UHMK1: variants seen among roughly 807,000 people sequenced by gnomAD.
UHMK1 encodes the protein serine/threonine-protein kinase Kist.
UHMK1 carries 18 observed loss-of-function variants against 44.0 expected under a neutral mutation model. The ratio of observed to expected loss-of-function variants is 0.41; its 90% CI spans 0.28 to 0.61. UHMK1 has a LOEUF of 0.61. Among genes scored for constraint, UHMK1 ranks in the 20% least tolerant of loss-of-function variants. UHMK1 has a pLI of 0.31. For synonymous variants in UHMK1, 231 were observed against 198.5 expected (o/e 1.16, Z -1.38); for missense variants, 463 against 522.5 (o/e 0.89, Z 1.11).
chr1:162,518,894 C>G (rs565105420), intron 7 of UHMK1, among the ~76,000 whole-genome samples: 3 of 151,168 alleles, frequency 2.0e-5, no homozygotes, highest in Admixed American at 2.0e-4. Flanking sequence ...GGGGCTGAGG[C>G]AGGAGAATCG....
At chr1:162,512,237 TAC>T (rs1358014969) in intron 4 of UHMK1, among the ~76,000 whole-genome samples, 2 of 151,940 alleles carry the variant, frequency 1.3e-5, no homozygotes, top group Non-Finnish European at 1.5e-5. Flanking sequence ...CACTCACTGT[TAC>T]AGAGTGTGGA....
At chr1:162,514,585 T>C (rs1417532369) in intron 6 of UHMK1, among the ~76,000 whole-genome samples, 1 of 152,168 alleles carries the variant, frequency 6.6e-6, no homozygotes, top group Non-Finnish European at 1.5e-5. Context: ...CAGTAGGCAC[T>C]CAAATATTTA....
At chr1:162,499,527 C>G (rs909998622) in intron 1 of UHMK1, among the ~76,000 whole-genome samples, 16 of 152,110 alleles carry the variant, frequency 1.1e-4, no homozygotes, top group African/African-American at 3.9e-4. Context: ...TTGTGACATT[C>G]CTTTTAAAAG....
intron 3 of UHMK1, 111 bp from the exon 4 acceptor site, chr1:162,503,643 C>A: frequency 3.5e-6 from 2 of 570,168 alleles, no homozygotes; most frequent in Non-Finnish European, 6.0e-6. Context: ...ATTGTAGGCT[C>A]TCAGAAGATA....
intron 4 of UHMK1, among the ~76,000 whole-genome samples, chr1:162,510,377 C>G (rs1651624405): frequency 6.6e-6 from 1 of 152,184 alleles, no homozygotes; most frequent in Admixed American, 6.5e-5. Context: ...ACTCCTCTCT[C>G]CTCTAACGCC....
chr1:162,507,849 A>G (rs867606846), intron 4 of UHMK1, among the ~76,000 whole-genome samples: 7 of 151,338 alleles, frequency 4.6e-5, no homozygotes, highest in Non-Finnish European at 1.0e-4. Context: ...GCCTCCCCAA[A>G]TGTTGTGATT....
At chr1:162,498,415 CTTTCACT>C in intron 1 of UHMK1, 147 bp downstream of exon 1, 1 of 1,026,662 alleles carries the variant, frequency 9.7e-7, no homozygotes, top group Non-Finnish European at 1.4e-6. Context: ...CCCCTTTCCC[CTTTCACT>C]TTATTACTGT....
At chr1:162,498,569 T>G (rs1477940057) in intron 1 of UHMK1, among the ~76,000 whole-genome samples, 2 of 152,222 alleles carry the variant, frequency 1.3e-5, no homozygotes, top group Non-Finnish European at 2.9e-5. Context: ...AGAGGAGGCA[T>G]GTCTTTGCTA....
Position 162,515,806 on chromosome 1 carries a change from G to A in UHMK1, c.1025-2296G>A, listed in dbSNP as rs188613792. On this transcript the variant is annotated intron_variant, in intron 6 of 7. Transcript: ENST00000489294. ...TCCTAGCATTTTGGGAGGCCGAGGC[G>A]GATGGATCACGAGGTCAGGAGATCG... Among the ~76,000 whole-genome samples the A allele has an allele frequency of 2.1e-4, 32 of 151,524 alleles. No individual in the cohort carries two copies. The East Asian group carries it at 2.9e-3, about 14-fold the overall frequency.
chr1:162,504,877 C>A (rs752668912), intron 4 of UHMK1, among the ~76,000 whole-genome samples: 3 of 152,108 alleles, frequency 2.0e-5, no homozygotes, highest in Non-Finnish European at 4.4e-5. Context: ...CAGATTCAAG[C>A]GATTCTTGTG....
Position 162,522,665 on chromosome 1 carries a change from A to C in UHMK1, c.*115A>C. On this transcript the variant is annotated 3_prime_UTR_variant, in exon 8 of 8. Coordinates refer to ENST00000489294, the MANE Select transcript of UHMK1 (RefSeq NM_175866.5). The stretch of plus-strand genomic sequence containing the variant: ...AAGAAGGTACTTTATACATTTATTT[A>C]ATCCTACTAATGTGCAGCCATTGCC... 5.0e-6 allele frequency: 6 copies of C among 1,195,878 alleles called. No homozygotes were observed. Among genetic ancestry groups the C allele is most frequent in the Non-Finnish European group, 7.0e-6 (6 of 863,160 alleles). 74.1% of individuals were successfully genotyped at this position (1,195,878 alleles called of 1,614,324 possible). A position where few individuals can be genotyped will look rare whatever the true frequency, so the allele number is the denominator to read the frequency against.
In UHMK1 at chr1:162,527,225, T is replaced by G. The variant is rs1652281542; in HGVS notation, c.*4675T>G. On this transcript the variant is annotated 3_prime_UTR_variant, in exon 8 of 8. Coordinates refer to ENST00000489294, the MANE Select transcript of UHMK1 (RefSeq NM_175866.5). ...CTATAGGATATGTCATGTTCGTTATTGTAGCCACCTCCCTCAGATGTTTTT... is the reference window on the plus strand; with the variant it reads ...CTATAGGATATGTCATGTTCGTTATGGTAGCCACCTCCCTCAGATGTTTTT... 6.6e-6 allele frequency: 1 copy of G among 152,112 alleles called. No individual in the cohort carries two copies. The highest frequency in any genetic ancestry group is 1.5e-5 in the Non-Finnish European group (1 of 67,944). 9.4% of individuals were successfully genotyped at this position (152,112 alleles called of 1,614,324 possible). A position where few individuals can be genotyped will look rare whatever the true frequency, so the allele number is the denominator to read the frequency against.
chr1:162,515,151 A>AATAG lies in UHMK1; in HGVS notation c.1024+2329_1024+2330insTAGA, dbSNP rs1553224845. Among the ~76,000 whole-genome samples, 7 of 113,116 alleles carry AATAG rather than the reference A, an allele frequency of 6.2e-5. No homozygotes were observed. In the South Asian group the frequency reaches 1.4e-3, roughly 23 times the overall value. The allele number at this position is 113,116 out of a possible 152,430, so 74.2% of individuals were successfully genotyped here. A position where few individuals can be genotyped will look rare whatever the true frequency, so the allele number is the denominator to read the frequency against. ...ATATTTAAAATAGAAAAAAATTTAAAACAGCAAACAGAAAGCTTTATTTTA... is the reference window on the plus strand; with the variant it reads ...ATATTTAAAATAGAAAAAAATTTAAAATAGACAGCAAACAGAAAGCTTTATTTTA... On this transcript the variant is annotated intron_variant, in intron 6 of 7. Coordinates refer to ENST00000489294, the MANE Select transcript of UHMK1 (RefSeq NM_175866.5).
chr1:162,521,668 G>T (rs1268127111), intron 7 of UHMK1, among the ~76,000 whole-genome samples: 1 of 152,162 alleles, frequency 6.6e-6, no homozygotes, highest in Non-Finnish European at 1.5e-5. Context: ...CTCTGTTGTT[G>T]CCCGGGCTGG....
chr1:162,520,319 G>C (rs1305533849), intron 7 of UHMK1, among the ~76,000 whole-genome samples: 3 of 152,184 alleles, frequency 2.0e-5, no homozygotes, highest in African/African-American at 7.2e-5. Flanking sequence ...AGTGATAATA[G>C]TTTTACATTT....
At chr1:162,517,125 C>G (rs542869280) in intron 6 of UHMK1, among the ~76,000 whole-genome samples, 1 of 152,046 alleles carries the variant, frequency 6.6e-6, no homozygotes, top group East Asian at 1.9e-4. Context: ...GTGGTGAAAC[C>G]CTGTCTCTAC....
At chr1:162,511,189 C>CTTTTTTTTTTTTT (rs142796500) in intron 4 of UHMK1, among the ~76,000 whole-genome samples, 57 of 100,972 alleles carry the variant, frequency 5.6e-4, no homozygotes, top group Non-Finnish European at 8.5e-4. Context: ...TTTTCTTTTT[C>CTTTTTTTTTTTTT]TTTTTTTTTT....
At chr1:162,502,756 G>C (rs1651321902) in intron 3 of UHMK1, among the ~76,000 whole-genome samples, 1 of 152,148 alleles carries the variant, frequency 6.6e-6, no homozygotes, top group Non-Finnish European at 1.5e-5. Context: ...CAAGCTACTA[G>C]GGTTTGTATC....
chr1:162,510,568 G>A (rs1651630092), intron 4 of UHMK1, among the ~76,000 whole-genome samples: 1 of 151,424 alleles, frequency 6.6e-6, no homozygotes, highest in South Asian at 2.1e-4. Context: ...GCTCCTTTCA[G>A]TGGCTGAATA....
Sources: gnomAD v4.1 joint callset for allele counts (sites outside exome capture counted in the v4.1 genomes callset) on GRCh38, gnomAD v4.1.1 for gene constraint, MANE v1.5 for transcripts, NCBI Gene and HGNC (gene_info 2026-07-23, HGNC 2026-07-21) for gene names.